The following MAP3K5 variants were observed in gnomAD, a reference collection of about 807,000 sequenced individuals.
MAP3K5 encodes the protein mitogen-activated protein kinase kinase kinase 5.
A neutral mutation model predicts 158.7 loss-of-function variants in MAP3K5; 56 were observed. The observed-to-expected ratio is 0.35, with a 90% CI of 0.28 to 0.44. The LOEUF is 0.44. Ranked by LOEUF, MAP3K5 falls within the 20% of genes least tolerant of loss-of-function variation. The probability of loss-of-function intolerance (pLI) is 1.00; values close to 1 mark genes in which losing one functional copy is unlikely to be tolerated. For missense variants in MAP3K5, 1,294 were observed against 1,674.8 expected, an observed-to-expected ratio of 0.77 and a Z score of 3.97; for synonymous variants, 579 against 601.7, an observed-to-expected ratio of 0.96 and a Z score of 0.55.
intron 1 of MAP3K5, among the ~76,000 whole-genome samples, chr6:136,744,747 G>A (rs1163248213): frequency 6.6e-6 from 1 of 152,196 alleles, no homozygotes; most frequent in Non-Finnish European, 1.5e-5. Context: ...AGCCTTGGCT[G>A]CACATTGTAA....
At chr6:136,669,094 T>C (rs1443257206) in intron 8 of MAP3K5, among the ~76,000 whole-genome samples, 189 bp downstream of exon 8, 1 of 152,222 alleles carries the variant, frequency 6.6e-6, no homozygotes. Flanking sequence ...AACTGAATTA[T>C]GTCCTAATAT....
Position 136,659,155 on chromosome 6 carries a change from T to C in MAP3K5, c.1526+64A>G. ...ATCATCTAATTGTCAGTTCAATAAATATAATATGGGAACAATATGGAGCTG... is the reference window on the plus strand; with the variant it reads ...ATCATCTAATTGTCAGTTCAATAAACATAATATGGGAACAATATGGAGCTG... On this transcript the variant is annotated intron_variant, in intron 9 of 29. Coordinates refer to ENST00000359015, the MANE Select transcript of MAP3K5 (RefSeq NM_005923.4). 3.0e-6 allele frequency: 4 copies of C among 1,345,828 alleles called. No individual in the cohort carries two copies. The South Asian group carries it at 5.2e-5, about 18-fold the overall frequency. 83.4% of individuals were successfully genotyped at this position (1,345,828 alleles called of 1,614,324 possible).
At chr6:136,740,262 G>A (rs539729858) in intron 1 of MAP3K5, among the ~76,000 whole-genome samples, 4 of 152,226 alleles carry the variant, frequency 2.6e-5, no homozygotes, top group East Asian at 3.9e-4. Context: ...GGCTGGGGAC[G>A]GGGGAGGTGA....
chr6:136,661,320 C>T (rs1276745682), intron 8 of MAP3K5, among the ~76,000 whole-genome samples: 1 of 152,156 alleles, frequency 6.6e-6, no homozygotes, highest in East Asian at 1.9e-4. Context: ...AGCTTTGCCA[C>T]TGCTGTTTCA....
intron 25 of MAP3K5, among the ~76,000 whole-genome samples, 172 bp downstream of exon 25, chr6:136,580,129 T>A (rs1774803621): frequency 6.6e-6 from 1 of 152,266 alleles, no homozygotes; most frequent in South Asian, 2.1e-4. Flanking sequence ...AATATTTTGC[T>A]TGGTGTACCA....
intron 24 of MAP3K5, 73 bp downstream of exon 24, chr6:136,583,482 G>GATAA: frequency 7.5e-7 from 1 of 1,338,968 alleles, no homozygotes; most frequent in Non-Finnish European, 1.0e-6. Context: ...AAAAATAACA[G>GATAA]AACTTATGTT....
intron 1 of MAP3K5, among the ~76,000 whole-genome samples, chr6:136,790,178 C>A (rs768191453): frequency 1.3e-5 from 2 of 152,206 alleles, no homozygotes; most frequent in Non-Finnish European, 2.9e-5. Context: ...TCTAATCATT[C>A]TCTCTCCCTT....
intron 23 of MAP3K5, among the ~76,000 whole-genome samples, chr6:136,583,944 T>G (rs1017418716): frequency 2.0e-5 from 3 of 152,116 alleles, no homozygotes; most frequent in Non-Finnish European, 2.9e-5. Flanking sequence ...ATTCCAGGCA[T>G]GAGCCACCAT....
At chr6:136,657,582 T>C (rs1365105008) in intron 9 of MAP3K5, among the ~76,000 whole-genome samples, 4 of 152,150 alleles carry the variant, frequency 2.6e-5, no homozygotes, top group Admixed American at 2.6e-4. Flanking sequence ...TCAAAAGGTA[T>C]TATAACACCA....
At chr6:136,620,421 A>C (rs1176078889) in intron 15 of MAP3K5, among the ~76,000 whole-genome samples, 5 of 152,200 alleles carry the variant, frequency 3.3e-5, no homozygotes, top group Non-Finnish European at 5.9e-5. Flanking sequence ...CCCTGGTTCT[A>C]AAATAAAAGT....
chr6:136,728,290 TGAAGA>T (rs1388514148), intron 1 of MAP3K5, among the ~76,000 whole-genome samples: 1 of 152,142 alleles, frequency 6.6e-6, no homozygotes, highest in Non-Finnish European at 1.5e-5. Flanking sequence ...CTGCTGCTTG[TGAAGA>T]GAAGAGTTGA....
intron 1 of MAP3K5, among the ~76,000 whole-genome samples, chr6:136,771,971 G>A (rs1473756716): frequency 2.0e-5 from 3 of 151,568 alleles, no homozygotes; most frequent in African/African-American, 7.3e-5. Flanking sequence ...TCAGGCTGGA[G>A]TGCAGTGGCT....
Position 136,557,453 on chromosome 6 carries a change from A to G in MAP3K5, c.*305T>C, listed in dbSNP as rs1225368554. 1 of 266,036 alleles carries G rather than the reference A, an allele frequency of 3.8e-6. No homozygotes were observed. Among genetic ancestry groups the G allele is most frequent in the African/African-American group, 2.3e-5 (1 of 44,302 alleles). The allele number at this position is 266,036 out of a possible 1,614,324, so 16.5% of individuals were successfully genotyped here. On this transcript the variant is annotated 3_prime_UTR_variant, in exon 30 of 30. Transcript: ENST00000359015. ...TGAAATAAACATTTGGCTGAAGTGC[A>G]ATAGCTGCTGCATTAAAAATATTTC...
At chr6:136,767,519 C>T (rs1369075016) in intron 1 of MAP3K5, among the ~76,000 whole-genome samples, 1 of 151,900 alleles carries the variant, frequency 6.6e-6, no homozygotes, top group South Asian at 2.1e-4. Context: ...ATTCACTGAT[C>T]AGTTCAGTAG....
intron 19 of MAP3K5, among the ~76,000 whole-genome samples, chr6:136,603,330 G>A (rs1775962198): frequency 6.7e-6 from 1 of 149,864 alleles, no homozygotes; most frequent in Non-Finnish European, 1.5e-5. Context: ...CTGCCACTGT[G>A]CCCCCCTAAT....
chr6:136,741,265 G>C (rs183347208), intron 1 of MAP3K5, among the ~76,000 whole-genome samples: 1 of 151,824 alleles, frequency 6.6e-6, no homozygotes, highest in Non-Finnish European at 1.5e-5. Flanking sequence ...TAACCATTTT[G>C]GTATTTCACT....
intron 8 of MAP3K5, among the ~76,000 whole-genome samples, chr6:136,668,679 A>C (rs894899679): frequency 5.9e-5 from 9 of 152,308 alleles, no homozygotes; most frequent in African/African-American, 2.2e-4. Context: ...AACTTCTTTA[A>C]ATTCCCAGGG....
At chr6:136,566,336 G>T (rs533765631) in intron 26 of MAP3K5, among the ~76,000 whole-genome samples, 1 of 152,332 alleles carries the variant, frequency 6.6e-6, no homozygotes, top group African/African-American at 2.4e-5. Flanking sequence ...ATTCTAACCA[G>T]AAGGCATGGG....
At chr6:136,663,342 T>C (rs114088619) in intron 8 of MAP3K5, among the ~76,000 whole-genome samples, 3,171 of 152,308 alleles carry the variant, frequency 0.021, 112 homozygotes, top group African/African-American at 0.072. Context: ...TCCCTGAATA[T>C]TTCTGCTGAA....
Sources: allele counts gnomAD v4.1 joint callset (sites outside exome capture counted in the v4.1 genomes callset), GRCh38; gene constraint gnomAD v4.1.1; transcripts MANE v1.5; gene names NCBI Gene and HGNC (gene_info 2026-07-23, HGNC 2026-07-21).